The following TMCO2 variants were observed in gnomAD, a reference collection of about 807,000 sequenced individuals.
TMCO2 encodes the protein transmembrane and coiled-coil domains 2, also known as transmembrane and coiled-coil domain-containing protein 2.
TMCO2 carries 15 observed loss-of-function variants against 18.0 expected under a neutral mutation model. The observed-to-expected ratio is 0.84, with a 90% CI of 0.56 to 1.29. The LOEUF (loss-of-function observed/expected upper bound fraction) is 1.29. TMCO2 is among the 50% of genes most tolerant of loss of function. TMCO2 has a pLI of 0.00. For synonymous variants in TMCO2, 79 were observed against 75.9 expected, an observed-to-expected ratio of 1.04 and a Z score of -0.21; for missense variants, 182 against 200.9, an observed-to-expected ratio of 0.91 and a Z score of 0.57.
At position 40,251,339 on chromosome 1, in the gene TMCO2, T is replaced by C. The variant is rs1336355379; in HGVS notation, c.294T>C (p.Ile98=). The change falls in exon 2 of 2, where the codon ATT becomes ATC. Residue 98 remains isoleucine, a synonymous_variant. Coordinates refer to ENST00000372766, the MANE Select transcript of TMCO2 (RefSeq NM_001008740.4). ...LYKLYKKGSH[I]FEALLANPEG... is the part of the protein sequence containing the mutation. Reference sequence around the variant, plus strand: ...AACTTTACAAGAAGGGCTCACATATTTTTGAGGCTTTGCTAGCCAACCCAG... The same window carrying C: ...AACTTTACAAGAAGGGCTCACATATCTTTGAGGCTTTGCTAGCCAACCCAG... The C allele has an allele frequency of 6.2e-7, 1 of 1,613,496 alleles. No individual in the cohort carries two copies. Among genetic ancestry groups the C allele is most frequent in the Non-Finnish European group, 8.5e-7 (1 of 1,179,892 alleles).
intron 1 of TMCO2, among the ~76,000 whole-genome samples, chr1:40,249,972 G>A (rs1643368265): frequency 1.3e-5 from 2 of 151,544 alleles, no homozygotes; most frequent in Admixed American, 1.3e-4. Flanking sequence ...ACCGTGCCCA[G>A]CATATGCTTT....
intron 1 of TMCO2, among the ~76,000 whole-genome samples, chr1:40,248,681 A>G (rs959144227): frequency 6.6e-6 from 1 of 152,238 alleles, no homozygotes; most frequent in Non-Finnish European, 1.5e-5. Flanking sequence ...ATAAGGCTCC[A>G]TAAGTATATA....
intron 1 of TMCO2, among the ~76,000 whole-genome samples, chr1:40,248,579 A>T (rs1643356635): frequency 6.6e-6 from 1 of 152,200 alleles, no homozygotes; most frequent in Non-Finnish European, 1.5e-5. Context: ...GATCATGAGT[A>T]TGGCCTTTCT....
In TMCO2 at chr1:40,248,249, A is replaced by C; in HGVS notation, c.237+19A>C. The C allele has an allele frequency of 6.3e-7, 1 of 1,576,190 alleles. No individual in the cohort carries two copies. Among genetic ancestry groups the C allele is most frequent in the Non-Finnish European group, 8.7e-7 (1 of 1,147,928 alleles). On this transcript the variant is annotated intron_variant, in intron 1 of 1. Transcript: ENST00000372766. ...AATTCAGGTTATACTCTTTTGTTACAAACATTTATATAGTTATAAATTGAA... is the reference window on the plus strand; with the variant it reads ...AATTCAGGTTATACTCTTTTGTTACCAACATTTATATAGTTATAAATTGAA...
intron 1 of TMCO2, 58 bp downstream of exon 1, chr1:40,248,288 T>G (rs1643354865): frequency 7.1e-7 from 1 of 1,403,978 alleles, no homozygotes; most frequent in African/African-American, 1.4e-5. Flanking sequence ...TGATTAGTTC[T>G]CTCCCATATT....
intron 1 of TMCO2, among the ~76,000 whole-genome samples, chr1:40,250,367 C>G (rs115547186): frequency 0.052 from 7,797 of 150,782 alleles, 589 homozygotes; most frequent in African/African-American, 0.17. Flanking sequence ...GTCTGGCTAT[C>G]TTGCCCAGGC....
intron 1 of TMCO2, among the ~76,000 whole-genome samples, chr1:40,248,918 G>A (rs545917416): frequency 2.0e-5 from 3 of 152,264 alleles, no homozygotes; most frequent in East Asian, 1.9e-4. Flanking sequence ...CTTTTAAAAC[G>A]GCTTTCTTAG....
rs779397290 is a variant in TMCO2 at position 40,248,072 on chromosome 1, G to A, written c.79G>A (p.Ala27Thr). Residue 27 changes from alanine (A) to threonine (T), a missense_variant, in exon 1 of 2, where the codon GCA becomes ACA. Physicochemically the swap from Ala to Thr is moderately conservative, Grantham distance 58. Coordinates refer to ENST00000372766, the MANE Select transcript of TMCO2 (RefSeq NM_001008740.4). ...CAGCACAGTATGGAATTGGATACAA[G>A]CAAGTTTTTTGGGAGAGACTAGTGC... The part of the protein sequence containing the change: ...SLSTVWNWIQ[A>T]SFLGETSAPQ... 2 of 1,614,192 alleles carry A rather than the reference G, an allele frequency of 1.2e-6. No homozygotes were observed. Among genetic ancestry groups the A allele is most frequent in the Non-Finnish European group, 1.7e-6 (2 of 1,180,046 alleles).
chr1:40,248,300 C>A, intron 1 of TMCO2, 70 bp downstream of exon 1: 2 of 1,319,544 alleles, frequency 1.5e-6, no homozygotes, highest in Non-Finnish European at 2.1e-6. Context: ...TCCCATATTG[C>A]TGCCACCAGT....
chr1:40,251,010 G>A (rs1643378944), intron 1 of TMCO2, among the ~76,000 whole-genome samples: 1 of 151,820 alleles, frequency 6.6e-6, no homozygotes, highest in South Asian at 2.1e-4. Flanking sequence ...GGTGGTGGGC[G>A]CCTGTAGTCC....
Position 40,251,129 on chromosome 1 carries a change from T to TC in TMCO2, c.238-152dup, listed in dbSNP as rs1233280156. On this transcript the variant is annotated intron_variant, in intron 1 of 1. Coordinates refer to ENST00000372766, the MANE Select transcript of TMCO2 (RefSeq NM_001008740.4). ...TCCAGCCTGGGTGACAGAGTGAAAC[T>TC]CCATCTCAAAAAAAAAAAAAAAAAA... Among the ~76,000 whole-genome samples the TC allele has an allele frequency of 1.1e-4, 10 of 92,332 alleles. No individual in the cohort carries two copies. In the South Asian group the frequency reaches 1.5e-3, roughly 14 times the overall value. The allele number at this position is 92,332 out of a possible 152,430, so 60.6% of individuals were successfully genotyped here. A position where few individuals can be genotyped will look rare whatever the true frequency, so the allele number is the denominator to read the frequency against.
At chr1:40,251,259 T>C in intron 1 of TMCO2, 24 bp from the exon 2 acceptor site, 1 of 1,593,044 alleles carries the variant, frequency 6.3e-7, no homozygotes, top group South Asian at 1.2e-5. Context: ...CAACTAACAC[T>C]CAACTTCTGT....
At position 40,251,136 on chromosome 1, in the gene TMCO2, C is replaced by CAAAA. The variant is rs59384076; in HGVS notation, c.238-130_238-127dup. The CAAAA allele has an allele frequency of 3.8e-3, 1,596 of 418,104 alleles. 1 individual carries two copies. Among genetic ancestry groups the CAAAA allele is most frequent in the East Asian group, 8.1e-3 (159 of 19,652 alleles). The allele number at this position is 418,104 out of a possible 1,614,324, so 25.9% of individuals were successfully genotyped here. A position where few individuals can be genotyped will look rare whatever the true frequency, so the allele number is the denominator to read the frequency against. ...TGGGTGACAGAGTGAAACTCCATCT[C>CAAAA]AAAAAAAAAAAAAAAAAAAATTTGC... On this transcript the variant is annotated intron_variant, in intron 1 of 1. Coordinates refer to ENST00000372766, the MANE Select transcript of TMCO2 (RefSeq NM_001008740.4).
chr1:40,251,487 G>T lies in TMCO2; in HGVS notation c.442G>T (p.Val148Phe), dbSNP rs756306074. The change falls in exon 2 of 2, where the codon GTT becomes TTT. Residue 148 changes from valine to phenylalanine, a missense_variant. Coordinates refer to ENST00000372766, the MANE Select transcript of TMCO2 (RefSeq NM_001008740.4). ...NKMKNLEGII[V>F]AQKPATKRDC... ...AATGAAGAACCTAGAAGGGATAATCGTTGCTCAAAAACCTGCCACGAAGAG... is the reference window on the plus strand; with the variant it reads ...AATGAAGAACCTAGAAGGGATAATCTTTGCTCAAAAACCTGCCACGAAGAG... 3.1e-6 allele frequency: 5 copies of T among 1,613,770 alleles called. No individual in the cohort carries two copies. In the South Asian group the frequency reaches 5.5e-5, roughly 18 times the overall value.
rs774890316 is a variant in TMCO2, at chr1:40,251,566, C to T, written c.521C>T (p.Ser174Phe). 12 of 1,608,738 alleles carry T rather than the reference C, an allele frequency of 7.5e-6. No homozygotes were observed. Among genetic ancestry groups the T allele is most frequent in the South Asian group, 5.6e-5 (5 of 89,532 alleles). Residue 174 changes from serine (S) to phenylalanine (F), a missense_variant, in exon 2 of 2, where the codon TCC becomes TTC. Ser to Phe is a radical substitution (Grantham distance 155, BLOSUM62 -2). Coordinates refer to ENST00000372766, the MANE Select transcript of TMCO2 (RefSeq NM_001008740.4). ...CSCSDCQSPLSTSGFTSPI is the reference protein window; with the variant it reads ...CSCSDCQSPLFTSGFTSPI Reference sequence around the variant, plus strand: ...TGCTCTGACTGCCAGAGTCCCTTGTCCACATCAGGGTTTACTTCCCCCATT... The same window carrying T: ...TGCTCTGACTGCCAGAGTCCCTTGTTCACATCAGGGTTTACTTCCCCCATT...
At chr1:40,250,227 T>G (rs1442103224) in intron 1 of TMCO2, among the ~76,000 whole-genome samples, 3 of 151,862 alleles carry the variant, frequency 2.0e-5, no homozygotes, top group African/African-American at 7.2e-5. Flanking sequence ...AGGCTGGTCT[T>G]TAACTCCTGG....
chr1:40,249,530 G>T (rs1245928793), intron 1 of TMCO2, among the ~76,000 whole-genome samples: 2 of 150,298 alleles, frequency 1.3e-5, no homozygotes, highest in African/African-American at 2.4e-5. Flanking sequence ...AGTGAGCCAA[G>T]ATCGTGCCAC....
At chr1:40,249,764 C>T (rs987367574) in intron 1 of TMCO2, among the ~76,000 whole-genome samples, 3 of 151,864 alleles carry the variant, frequency 2.0e-5, no homozygotes, top group Non-Finnish European at 2.9e-5. Context: ...ACCTCTGCCT[C>T]CCAGGTTCAA....
rs1194866746 is a variant in TMCO2, at chr1:40,251,633, TTCCCTCA to T, written c.*41_*47del. On this transcript the variant is annotated 3_prime_UTR_variant, in exon 2 of 2. Coordinates refer to ENST00000372766, the MANE Select transcript of TMCO2 (RefSeq NM_001008740.4). ...CCAATCTTTTCCAGGAAAGCACTGT[TTCCCTCA>T]TGTGTGCAGTGGTGTATCAATAAAG... The T allele has an allele frequency of 6.3e-7, 1 of 1,576,948 alleles. No individual in the cohort carries two copies. Among genetic ancestry groups the T allele is most frequent in the Non-Finnish European group, 8.6e-7 (1 of 1,164,616 alleles).
Sources: allele counts gnomAD v4.1 joint callset (sites outside exome capture counted in the v4.1 genomes callset), GRCh38; gene constraint gnomAD v4.1.1; transcripts MANE v1.5; gene names NCBI Gene and HGNC (gene_info 2026-07-23, HGNC 2026-07-21).